Variants in SAXO1 observed in about 807,000 individuals in gnomAD.
SAXO1 encodes the protein stabilizer of axonemal microtubules 1, also known as 4930500O09Rik.
SAXO1 carries 21 observed loss-of-function variants against 17.5 expected under a neutral mutation model. That is an observed-to-expected ratio of 1.20 (90% CI 0.85 to 1.72). The LOEUF is 1.72. SAXO1 is among the 40% of genes most tolerant of loss of function. The pLI, the probability that SAXO1 is intolerant of heterozygous loss-of-function variation, is 0.00. For synonymous variants in SAXO1, 274 were observed against 216.5 expected (o/e 1.27, Z -2.33); for missense variants, 843 against 596.0 (o/e 1.41, Z -4.32).
intron 1 of SAXO1, among the ~76,000 whole-genome samples, chr9:18,990,647 GGT>G (rs1019004390): frequency 5.3e-5 from 8 of 152,178 alleles, no homozygotes; most frequent in African/African-American, 1.9e-4. Context: ...CACAGCAGAA[GGT>G]GAGTGGCAGG....
At chr9:18,981,806 G>T (rs1029219680) in intron 1 of SAXO1, among the ~76,000 whole-genome samples, 4 of 152,158 alleles carry the variant, frequency 2.6e-5, no homozygotes, top group Non-Finnish European at 5.9e-5. Context: ...AAACAGAGGG[G>T]CTCAGCAACT....
At chr9:18,957,081 T>C (rs926616343) in intron 1 of SAXO1, among the ~76,000 whole-genome samples, 1 of 152,220 alleles carries the variant, frequency 6.6e-6, no homozygotes, top group Non-Finnish European at 1.5e-5. Context: ...CCGATAAACC[T>C]AAGGGCAGCA....
intron 1 of SAXO1, among the ~76,000 whole-genome samples, chr9:18,964,165 C>T (rs190196220): frequency 7.0e-4 from 106 of 152,240 alleles, no homozygotes; most frequent in African/African-American, 2.2e-3. Flanking sequence ...CTGCTCGATT[C>T]GGTTTGCCAG....
At chr9:18,943,975 G>A (rs1437215079) in intron 2 of SAXO1, among the ~76,000 whole-genome samples, 1 of 152,220 alleles carries the variant, frequency 6.6e-6, no homozygotes, top group Non-Finnish European at 1.5e-5. Flanking sequence ...AAGGCTGCCA[G>A]ACTCTTGAAA....
chr9:19,032,806 T>C, intron 1 of SAXO1, 65 bp downstream of exon 1: 1 of 1,567,970 alleles, frequency 6.4e-7, no homozygotes, highest in Non-Finnish European at 8.7e-7. Flanking sequence ...TGGGGGAGGC[T>C]TCCCTTCCTC....
In SAXO1 at chr9:19,009,793, G is replaced by A. The variant is rs979869402; in HGVS notation, c.38+23078C>T. On this transcript the variant is annotated intron_variant, in intron 1 of 3. Coordinates refer to ENST00000380534, the MANE Select transcript of SAXO1 (RefSeq NM_153707.4). Reference sequence around the variant, plus strand: ...CATCACCTCAAAAAGAATATTCACCGTCTAAAGAGGTGAAGTCCATTAAAG... The same window carrying A: ...CATCACCTCAAAAAGAATATTCACCATCTAAAGAGGTGAAGTCCATTAAAG... Among the ~76,000 whole-genome samples the A allele has an allele frequency of 7.3e-5, 11 of 150,972 alleles. No individual in the cohort carries two copies. The East Asian group carries it at 7.7e-4, about 11-fold the overall frequency.
chr9:18,945,665 C>G (rs1831760893), intron 2 of SAXO1, among the ~76,000 whole-genome samples: 1 of 152,162 alleles, frequency 6.6e-6, no homozygotes, highest in Non-Finnish European at 1.5e-5. Context: ...ACTCCAGAAT[C>G]CAAGTTACAT....
At chr9:19,048,739 T>C (rs1166959243) in intron 1 of SAXO1, among the ~76,000 whole-genome samples, 2 of 152,224 alleles carry the variant, frequency 1.3e-5, no homozygotes, top group Non-Finnish European at 2.9e-5. Context: ...AACTTGAAAA[T>C]AGGGTTATTA....
Position 19,042,915 on chromosome 9 carries a change from T to C in SAXO1, c.-158+6294A>G, listed in dbSNP as rs576663218. 2.6e-5 allele frequency among the ~76,000 whole-genome samples: 4 copies of C among 152,264 alleles called. No individual in the cohort carries two copies. In the South Asian group the frequency reaches 8.3e-4, roughly 32 times the overall value. ...GGCCAGGTGCAGTGGTTGATGCCTATAATACCCGCACTTTGTGAGGCCAAG... is the reference window on the plus strand; with the variant it reads ...GGCCAGGTGCAGTGGTTGATGCCTACAATACCCGCACTTTGTGAGGCCAAG... On this transcript the variant is annotated intron_variant, in intron 1 of 3. Transcript: ENST00000542071.
At chr9:18,935,405 A>G (rs557439197) in intron 3 of SAXO1, among the ~76,000 whole-genome samples, 25 of 152,244 alleles carry the variant, frequency 1.6e-4, no homozygotes, top group African/African-American at 5.8e-4. Flanking sequence ...GGGCTTTCTC[A>G]TGCCTCCCCT....
intron 1 of SAXO1, among the ~76,000 whole-genome samples, chr9:18,978,948 T>TC (rs1376974965): frequency 1.3e-5 from 2 of 152,134 alleles, no homozygotes; most frequent in Non-Finnish European, 2.9e-5. Context: ...TAAGAAAGAC[T>TC]CCAAGGCCTC....
At chr9:18,969,514 C>G (rs899874301) in intron 1 of SAXO1, among the ~76,000 whole-genome samples, 1 of 152,240 alleles carries the variant, frequency 6.6e-6, no homozygotes, top group Non-Finnish European at 1.5e-5. Flanking sequence ...GACCCACTAT[C>G]TCACCCCTAT....
intron 1 of SAXO1, among the ~76,000 whole-genome samples, chr9:19,000,943 T>A (rs1203075966): frequency 1.3e-5 from 2 of 151,384 alleles, no homozygotes; most frequent in South Asian, 4.2e-4. Flanking sequence ...TAAAGCAAGT[T>A]CTTAGAGATC....
intron 3 of SAXO1, 30 bp from the exon 4 acceptor site, chr9:18,929,085 A>G: frequency 6.2e-7 from 1 of 1,605,032 alleles, no homozygotes; most frequent in Non-Finnish European, 8.5e-7. Flanking sequence ...GGTAATTAAT[A>G]ATAAATCAAG....
intron 1 of SAXO1, among the ~76,000 whole-genome samples, chr9:19,047,390 AG>A (rs1385279515): frequency 6.6e-6 from 1 of 152,162 alleles, no homozygotes; most frequent in African/African-American, 2.4e-5. Flanking sequence ...AATACATTAG[AG>A]GAGACTCCGT....
chr9:19,027,434 T>A (rs979217848), intron 1 of SAXO1: 3 of 756,576 alleles, frequency 4.0e-6, no homozygotes, highest in East Asian at 4.9e-5. Flanking sequence ...ATCCAGGAAC[T>A]GGTGGAGGCC....
chr9:19,002,261 A>G (rs1234236105), intron 1 of SAXO1, among the ~76,000 whole-genome samples: 1 of 152,110 alleles, frequency 6.6e-6, no homozygotes, highest in Non-Finnish European at 1.5e-5. Flanking sequence ...TAGCCTACCA[A>G]CCAAAAAAAA....
intron 1 of SAXO1, among the ~76,000 whole-genome samples, chr9:19,018,221 T>A (rs1314222185): frequency 6.6e-6 from 1 of 152,138 alleles, no homozygotes; most frequent in Non-Finnish European, 1.5e-5. Context: ...TTCTCCATGT[T>A]TTTGTTTTTT....
intron 1 of SAXO1, among the ~76,000 whole-genome samples, chr9:19,040,123 T>C (rs1280967479): frequency 6.6e-6 from 1 of 152,222 alleles, no homozygotes; most frequent in African/African-American, 2.4e-5. Flanking sequence ...TAGGTGCTTT[T>C]ATTTATAATT....
Sources: gnomAD v4.1 joint callset for allele counts (sites outside exome capture counted in the v4.1 genomes callset) on GRCh38, gnomAD v4.1.1 for gene constraint, MANE v1.5 for transcripts, NCBI Gene and HGNC (gene_info 2026-07-23, HGNC 2026-07-21) for gene names.